Variants in FANCI observed in about 807,000 individuals in gnomAD.
FANCI encodes Fanconi anemia group I protein.
FANCI carries 156 observed loss-of-function variants against 176.1 expected under a neutral mutation model. The ratio of observed to expected loss-of-function variants is 0.89; its 90% CI spans 0.78 to 1.01. FANCI has a LOEUF of 1.01. Among genes scored for constraint, FANCI ranks in the 50% least tolerant of loss-of-function variants. The probability of loss-of-function intolerance (pLI) is 0.00; values close to 1 mark genes in which losing one functional copy is unlikely to be tolerated. For missense variants in FANCI, 1,678 were observed against 1,534.1 expected (o/e 1.09, Z -1.57); for synonymous variants, 613 against 541.7 (o/e 1.13, Z -1.83).
At chr15:89,270,630 G>T (rs1242328607) in intron 10 of FANCI, among the ~76,000 whole-genome samples, 2 of 151,804 alleles carry the variant, frequency 1.3e-5, no homozygotes, top group African/African-American at 2.4e-5. Context: ...TGTAAAAAGA[G>T]CCTCTCCTTT....
intron 13 of FANCI, 44 bp from the exon 14 acceptor site, chr15:89,278,643 T>C (rs1371132942): frequency 6.7e-7 from 1 of 1,497,690 alleles, no homozygotes. Flanking sequence ...ACTTAAAAGC[T>C]GAAGGGTCAC....
At chr15:89,269,709 C>T (rs1213589963) in intron 10 of FANCI, among the ~76,000 whole-genome samples, 1 of 152,180 alleles carries the variant, frequency 6.6e-6, no homozygotes, top group African/African-American at 2.4e-5. Flanking sequence ...AAGAAGGCAG[C>T]CATAGACAAA....
chr15:89,269,715 A>G (rs1330628588), intron 10 of FANCI, among the ~76,000 whole-genome samples: 5 of 152,228 alleles, frequency 3.3e-5, no homozygotes, highest in Non-Finnish European at 7.3e-5. Context: ...GCAGCCATAG[A>G]CAAAATGTAC....
intron 24 of FANCI, among the ~76,000 whole-genome samples, chr15:89,295,755 G>T (rs866607994): frequency 0.043 from 4,116 of 95,006 alleles, 304 homozygotes; most frequent in African/African-American, 0.15. Flanking sequence ...TTTTTTTTTT[G>T]TTGTTGTTGT....
chr15:89,297,975 T>G (rs771792017), intron 24 of FANCI, among the ~76,000 whole-genome samples: 1 of 152,090 alleles, frequency 6.6e-6, no homozygotes, highest in Non-Finnish European at 1.5e-5. Context: ...TACATAATGG[T>G]TAAGTGATTC....
chr15:89,246,243 G>C (rs2051963815), intron 1 of FANCI, among the ~76,000 whole-genome samples: 1 of 152,052 alleles, frequency 6.6e-6, no homozygotes. Context: ...CATCTTTTCT[G>C]TTCTCCAGTC....
rs766891883 is a variant in FANCI at position 89,293,846 on chromosome 15, G to C, written c.2305G>C (p.Glu769Gln). The stretch of plus-strand genomic sequence containing the variant: ...TGTTTTTTACAGTAAGAATAGGTTT[G>C]AGGACATTCTGAGCTTATTTATGTG... ...SISSFSKNRF[E>Q]DILSLFMCYK... The change falls in exon 23 of 38, where the codon GAG becomes CAG. Residue 769 changes from glutamate (E) to glutamine (Q), a missense_variant. By Grantham distance (29) the Glu-to-Gln change is conservative. Around this residue, in one of 3 missense-constraint regions of FANCI, gnomAD observed 1,204 missense variants for 1,077.4 expected, o/e 1.12. Transcript: ENST00000310775. 1 of 1,613,978 alleles carries C rather than the reference G, an allele frequency of 6.2e-7. No homozygotes were observed. Among genetic ancestry groups the C allele is most frequent in the South Asian group, 1.1e-5 (1 of 91,070 alleles).
chr15:89,288,516 C>T (rs1332450408), intron 18 of FANCI, among the ~76,000 whole-genome samples: 6 of 151,732 alleles, frequency 4.0e-5, no homozygotes, highest in African/African-American at 1.5e-4. Context: ...AAGTGTATGC[C>T]AGATTGCCAT....
At chr15:89,294,752 A>C (rs1020797485) in intron 23 of FANCI, among the ~76,000 whole-genome samples, 163 bp from the exon 24 acceptor site, 8 of 152,250 alleles carry the variant, frequency 5.3e-5, no homozygotes, top group Admixed American at 4.6e-4. Context: ...CAGCCATAGC[A>C]GTGACTATAG....
At chr15:89,268,251 T>G in intron 9 of FANCI, 148 bp from the exon 10 acceptor site, 1 of 800,676 alleles carries the variant, frequency 1.2e-6, no homozygotes, top group Non-Finnish European at 2.1e-6. Flanking sequence ...TGCCACCACA[T>G]CGGGCTGATT....
At chr15:89,268,042 A>G (rs905367233) in intron 9 of FANCI, among the ~76,000 whole-genome samples, 7 of 152,242 alleles carry the variant, frequency 4.6e-5, no homozygotes, top group African/African-American at 1.4e-4. Context: ...GAGTTGGTCT[A>G]CTTGCTCATC....
In FANCI at chr15:89,316,958, A is replaced by G; in HGVS notation, c.*499A>G. ...GTTGAGAACAATTGCCACGAACGGTAATGTTACATGTTAGGAGGGTCTGTT... is the reference window on the plus strand; with the variant it reads ...GTTGAGAACAATTGCCACGAACGGTGATGTTACATGTTAGGAGGGTCTGTT... On this transcript the variant is annotated 3_prime_UTR_variant, in exon 38 of 38. Coordinates refer to ENST00000310775, the MANE Select transcript of FANCI (RefSeq NM_001113378.2). 1.4e-6 allele frequency: 1 copy of G among 738,862 alleles called. No homozygotes were observed. Among genetic ancestry groups the G allele is most frequent in the South Asian group, 1.4e-5 (1 of 69,372 alleles). The allele number at this position is 738,862 out of a possible 1,614,324, so 45.8% of individuals were successfully genotyped here. A position where few individuals can be genotyped will look rare whatever the true frequency, so the allele number is the denominator to read the frequency against.
intron 24 of FANCI, among the ~76,000 whole-genome samples, chr15:89,296,690 G>C (rs1163554282): frequency 1.3e-5 from 2 of 152,090 alleles, no homozygotes; most frequent in African/African-American, 4.8e-5. Flanking sequence ...ATCGTGGCCC[G>C]TTCTCAATGA....
intron 37 of FANCI, 83 bp from the exon 38 acceptor site, chr15:89,316,302 TGATGAGAAGATA>T: frequency 7.9e-7 from 1 of 1,262,648 alleles, no homozygotes; most frequent in African/African-American, 1.5e-5. Context: ...ACAAAGGCTT[TGATGAGAAGATA>T]GAGTCTTTTT....
intron 2 of FANCI, among the ~76,000 whole-genome samples, chr15:89,248,003 T>A (rs1481875727): frequency 6.6e-6 from 1 of 152,242 alleles, no homozygotes; most frequent in Non-Finnish European, 1.5e-5. Context: ...TAAAAGCAAT[T>A]AGTATACTTT....
chr15:89,277,099 C>T (rs1405277128), intron 13 of FANCI, among the ~76,000 whole-genome samples: 1 of 152,172 alleles, frequency 6.6e-6, no homozygotes, highest in Admixed American at 6.5e-5. Flanking sequence ...GTAAGTTTTT[C>T]ATTTATTCCA....
rs1265992929 is a variant in FANCI at position 89,314,594 on chromosome 15, T to A, written c.3721-18T>A. ...ACCATTGAACCTGAAATTTAAGTCT[T>A]ATGTTCTTTGCCCTTAGGCCAGAGT... On this transcript the variant is annotated intron_variant, in intron 35 of 37. Coordinates refer to ENST00000310775, the MANE Select transcript of FANCI (RefSeq NM_001113378.2). 6.3e-7 allele frequency: 1 copy of A among 1,590,828 alleles called. No homozygotes were observed. The highest frequency in any genetic ancestry group is 1.3e-5 in the African/African-American group (1 of 74,406).
intron 14 of FANCI, among the ~76,000 whole-genome samples, chr15:89,280,674 A>C (rs1391369366): frequency 6.6e-6 from 1 of 152,180 alleles, no homozygotes; most frequent in Non-Finnish European, 1.5e-5. Flanking sequence ...GGTAGGCAAT[A>C]AACTATGTTT....
At chr15:89,312,670 A>G (rs771828804) in intron 34 of FANCI, among the ~76,000 whole-genome samples, 1 of 152,136 alleles carries the variant, frequency 6.6e-6, no homozygotes, top group Non-Finnish European at 1.5e-5. Flanking sequence ...AAATACAAAA[A>G]TTAGCTGAGT....
Sources: allele counts gnomAD v4.1 joint callset (sites outside exome capture counted in the v4.1 genomes callset), GRCh38; gene constraint gnomAD v4.1.1; regional missense constraint gnomAD v4.1.1; transcripts MANE v1.5; gene names NCBI Gene and HGNC (gene_info 2026-07-23, HGNC 2026-07-21).